SORCS1: variants seen among roughly 807,000 people sequenced by gnomAD.
SORCS1 encodes VPS10 domain-containing receptor SorCS1.
Under a neutral mutation model 146.1 loss-of-function variants are expected in SORCS1, and 60 were observed. The ratio of observed to expected loss-of-function variants is 0.41; its 90% CI spans 0.33 to 0.51. SORCS1 has a LOEUF of 0.51. SORCS1 is among the 20% of genes least tolerant of loss of function. SORCS1 has a pLI of 0.21. For missense variants in SORCS1, 1,352 were observed against 1,487.6 expected, an observed-to-expected ratio of 0.91 and a Z score of 1.50; for synonymous variants, 637 against 584.0, an observed-to-expected ratio of 1.09 and a Z score of -1.31.
At chr10:106,964,806 G>A (rs1448667740) in intron 1 of SORCS1, among the ~76,000 whole-genome samples, 1 of 151,570 alleles carries the variant, frequency 6.6e-6, no homozygotes, top group South Asian at 2.1e-4. Flanking sequence ...TAGATATAGG[G>A]TCTTGCTATG....
intron 1 of SORCS1, among the ~76,000 whole-genome samples, chr10:106,981,043 G>A (rs1051652331): frequency 7.2e-5 from 11 of 151,892 alleles, no homozygotes; most frequent in Admixed American, 4.6e-4. Flanking sequence ...TAAGTTTCAA[G>A]GGATCTGAAC....
intron 2 of SORCS1, among the ~76,000 whole-genome samples, chr10:106,944,134 C>G (rs1436087109): frequency 2.0e-5 from 3 of 152,134 alleles, no homozygotes; most frequent in African/African-American, 4.8e-5. Flanking sequence ...TCATGGTCAC[C>G]AGTTTTGTTC....
chr10:106,887,911 A>T (rs1951062458), intron 2 of SORCS1, among the ~76,000 whole-genome samples: 1 of 152,224 alleles, frequency 6.6e-6, no homozygotes, highest in Non-Finnish European at 1.5e-5. Context: ...AGATGGAGTG[A>T]CTACGTAGAC....
chr10:107,089,504 A>G (rs1964015058), intron 1 of SORCS1, among the ~76,000 whole-genome samples: 1 of 152,210 alleles, frequency 6.6e-6, no homozygotes, highest in Non-Finnish European at 1.5e-5. Context: ...CTTTAATATC[A>G]TCTAATAGAT....
intron 10 of SORCS1, among the ~76,000 whole-genome samples, chr10:106,683,387 T>C (rs1195272985): frequency 6.6e-6 from 1 of 152,214 alleles, no homozygotes; most frequent in East Asian, 1.9e-4. Context: ...TCTGCTTCCA[T>C]GAGTTTGATT....
At chr10:106,697,509 G>A (rs1195752750) in intron 9 of SORCS1, among the ~76,000 whole-genome samples, 4 of 152,050 alleles carry the variant, frequency 2.6e-5, no homozygotes, top group East Asian at 1.9e-4. Flanking sequence ...AGAATGTCAC[G>A]TGGCTGCACT....
chr10:106,970,344 T>C (rs1329202384), intron 1 of SORCS1, among the ~76,000 whole-genome samples: 1 of 141,116 alleles, frequency 7.1e-6, no homozygotes, highest in Non-Finnish European at 1.5e-5. Flanking sequence ...CTCTTTTTTT[T>C]TTTTTTTTTT....
chr10:106,811,639 A>T (rs1353653963), intron 3 of SORCS1, among the ~76,000 whole-genome samples: 1 of 152,208 alleles, frequency 6.6e-6, no homozygotes, highest in African/African-American at 2.4e-5. Context: ...AACTGGGCAT[A>T]TCTTTAGGAT....
chr10:106,918,148 A>G (rs1193931339), intron 2 of SORCS1, among the ~76,000 whole-genome samples: 2 of 152,066 alleles, frequency 1.3e-5, no homozygotes, highest in African/African-American at 4.8e-5. Flanking sequence ...AGAGAACCCA[A>G]GAAAAGACAT....
chr10:106,597,387 C>T lies in SORCS1; in HGVS notation c.3229G>A (p.Val1077Ile). 1 of 1,614,032 alleles carries T rather than the reference C, an allele frequency of 6.2e-7. No individual in the cohort carries two copies. The highest frequency in any genetic ancestry group is 1.1e-5 in the South Asian group (1 of 91,074). ...TGAGCAGCATGGACAAGGACTCGGA[C>T]TCCTGGCTTCAGCTCGAAGTGTACT... The part of the protein sequence containing the change: ...NSVHFELKPG[V>I]RVLVHAAHLT... Residue 1077 changes from valine (V) to isoleucine (I), a missense_variant, in exon 24 of 26, where the codon GTC (valine) becomes ATC (isoleucine). Transcript: ENST00000263054.
Position 106,688,269 on chromosome 10 carries a change from A to G in SORCS1, c.1483T>C (p.Tyr495His), listed in dbSNP as rs1853021062. 1 of 1,613,926 alleles carries G rather than the reference A, an allele frequency of 6.2e-7. No homozygotes were observed. The highest frequency in any genetic ancestry group is 1.3e-5 in the African/African-American group (1 of 74,930). The change falls in exon 10 of 26, where the codon TAT becomes CAT. Residue 495 changes from tyrosine to histidine, a missense_variant. Transcript: ENST00000263054. ...IDNQVKTFIT[Y>H]NKGRDWRLLQ... ...AAACGCCAGTCTCTGCCTTTGTTATATGTGATGAAAGTCTTCACTTGGTTG... is the reference window on the plus strand; with the variant it reads ...AAACGCCAGTCTCTGCCTTTGTTATGTGTGATGAAAGTCTTCACTTGGTTG...
chr10:107,163,853 G>A lies in SORCS1; in HGVS notation c.558+116C>T. 3.4e-6 allele frequency: 4 copies of A among 1,193,460 alleles called. No homozygotes were observed. The South Asian group carries it at 6.1e-5, about 18-fold the overall frequency. The allele number at this position is 1,193,460 out of a possible 1,614,324, so 73.9% of individuals were successfully genotyped here. A position where few individuals can be genotyped will look rare whatever the true frequency, so the allele number is the denominator to read the frequency against. On this transcript the variant is annotated intron_variant, in intron 1 of 25. Coordinates refer to ENST00000263054, the MANE Select transcript of SORCS1 (RefSeq NM_052918.5). ...GGGGGAAGTGGGCAGAGACCAGTTT[G>A]CAGCATCTCCCATGTCCAGAAACCC...
intron 4 of SORCS1, among the ~76,000 whole-genome samples, chr10:106,770,420 G>A (rs1859929378): frequency 6.7e-6 from 1 of 148,490 alleles, no homozygotes; most frequent in Non-Finnish European, 1.5e-5. Context: ...TGTCCTAAAA[G>A]TTTTATTCTC....
intron 6 of SORCS1, among the ~76,000 whole-genome samples, chr10:106,722,097 G>A (rs147137749): frequency 3.8e-4 from 54 of 142,100 alleles, no homozygotes; most frequent in African/African-American, 1.4e-3. Flanking sequence ...ACAATTTCTG[G>A]AGAAATATAG....
At chr10:106,657,136 C>G (rs1305485700) in intron 17 of SORCS1, among the ~76,000 whole-genome samples, 1 of 152,062 alleles carries the variant, frequency 6.6e-6, no homozygotes, top group African/African-American at 2.4e-5. Context: ...GTCATTATAG[C>G]AAAAAGACAC....
At chr10:106,669,529 G>C (rs1389517154) in intron 16 of SORCS1, among the ~76,000 whole-genome samples, 1 of 152,166 alleles carries the variant, frequency 6.6e-6, no homozygotes, top group East Asian at 1.9e-4. Context: ...TTCAGAAAGA[G>C]GGATGCAATG....
Position 106,652,441 on chromosome 10 carries a change from C to T in SORCS1, c.2416G>A (p.Asp806Asn), listed in dbSNP as rs569730754. 6.2e-7 allele frequency: 1 copy of T among 1,614,122 alleles called. No homozygotes were observed. Residue 806 changes from aspartate to asparagine, a missense_variant, in exon 18 of 26, where the codon GAT (aspartate) becomes AAT (asparagine). Coordinates refer to ENST00000263054, the MANE Select transcript of SORCS1 (RefSeq NM_052918.5). ...CCTTGTTCCGCTGTCAGCTTTCCATCAGCCGTGACTATCCGCAGCCCCCGC... is the reference window on the plus strand; with the variant it reads ...CCTTGTTCCGCTGTCAGCTTTCCATTAGCCGTGACTATCCGCAGCCCCCGC... ...APRGLRIVTA[D>N]GKLTAEQGHN...
chr10:106,755,146 C>T (rs969166431), intron 5 of SORCS1, among the ~76,000 whole-genome samples: 1 of 152,208 alleles, frequency 6.6e-6, no homozygotes, highest in African/African-American at 2.4e-5. Context: ...CATTTGGATA[C>T]CACTGATCGT....
chr10:106,868,942 A>C (rs1380683220), intron 2 of SORCS1, among the ~76,000 whole-genome samples: 1 of 152,194 alleles, frequency 6.6e-6, no homozygotes, highest in Admixed American at 6.5e-5. Context: ...ACATGCCACT[A>C]GCTCGACTAA....
Sources: gnomAD v4.1 joint callset for allele counts (sites outside exome capture counted in the v4.1 genomes callset) on GRCh38, gnomAD v4.1.1 for gene constraint, MANE v1.5 for transcripts, NCBI Gene and HGNC (gene_info 2026-07-23, HGNC 2026-07-21) for gene names.